Variants in PPIG observed in about 807,000 individuals in gnomAD.
The protein encoded by PPIG is peptidylprolyl isomerase G.
In PPIG, 26 loss-of-function variants were observed where a neutral mutation model predicts 87.9. That is an observed-to-expected ratio of 0.30 (90% CI 0.22 to 0.41). The LOEUF (loss-of-function observed/expected upper bound fraction) is 0.41, where lower values mean the gene tolerates loss of function less well. Among genes scored for constraint, PPIG ranks in the 10% least tolerant of loss-of-function variants. PPIG has a pLI of 1.00. For missense variants in PPIG, 722 were observed against 879.4 expected, an observed-to-expected ratio of 0.82 and a Z score of 2.26; for synonymous variants, 308 against 276.5, an observed-to-expected ratio of 1.11 and a Z score of -1.13.
chr2:169,596,760 C>T (rs148881441), intron 1 of PPIG, among the ~76,000 whole-genome samples: 375 of 152,110 alleles, frequency 2.5e-3, no homozygotes, highest in African/African-American at 8.5e-3. Flanking sequence ...AGTGTTGTGG[C>T]GCAATCTCAG....
At chr2:169,616,518 T>A (rs1685613887) in intron 9 of PPIG, among the ~76,000 whole-genome samples, 1 of 152,206 alleles carries the variant, frequency 6.6e-6, no homozygotes, top group Non-Finnish European at 1.5e-5. Context: ...TGTTGTTTCC[T>A]GACTTTTTAA....
chr2:169,607,049 G>A (rs987701312), intron 5 of PPIG, 55 bp from the exon 6 acceptor site: 25 of 1,076,172 alleles, frequency 2.3e-5, no homozygotes, highest in Non-Finnish European at 3.1e-5. Flanking sequence ...TTTTGTTTAG[G>A]TATCACCTTT....
chr2:169,584,973 C>T (rs1684658593), intron 1 of PPIG: 2 of 170,574 alleles, frequency 1.2e-5, no homozygotes, highest in African/African-American at 2.4e-5. Flanking sequence ...GAGTGACGGG[C>T]GAAGAGCCTG....
intron 12 of PPIG, chr2:169,633,548 A>C: frequency 2.2e-6 from 1 of 453,794 alleles, no homozygotes; most frequent in Non-Finnish European, 3.8e-6. Context: ...AATAAATAAA[A>C]ATTAACCCTA....
intron 1 of PPIG, among the ~76,000 whole-genome samples, chr2:169,597,057 T>C (rs764117615): frequency 6.6e-6 from 1 of 152,216 alleles, no homozygotes; most frequent in Non-Finnish European, 1.5e-5. Context: ...TTCCAAATCT[T>C]GGATATTGTA....
chr2:169,631,731 A>C (rs1327082934), intron 10 of PPIG, 35 bp from the exon 11 acceptor site: 2 of 1,612,828 alleles, frequency 1.2e-6, no homozygotes, highest in African/African-American at 2.7e-5. Flanking sequence ...ATAATAACCA[A>C]CTGTAACTTG....
Position 169,604,036 on chromosome 2 carries a change from G to A in PPIG, c.-6G>A. The A allele has an allele frequency of 6.2e-7, 1 of 1,612,698 alleles. No individual in the cohort carries two copies. Among genetic ancestry groups the A allele is most frequent in the South Asian group, 1.1e-5 (1 of 91,026 alleles). On this transcript the variant is annotated 5_prime_UTR_variant, in exon 3 of 14. An upstream open reading frame in the 5' UTR gains an earlier in-frame stop. Transcript: ENST00000260970. ...GTATTTTACTCACAGATTAAGTATT[G>A]GAGCCATGGGAATAAAGGTTCAACG... is the stretch of plus-strand genomic sequence containing the variant.
In PPIG at chr2:169,604,873, T is replaced by TA. The variant is rs1209396380; in HGVS notation, c.136+625dup. ...TGAGCTAGAAGAGCGAGACTCCATC[T>TA]AAAAAAAAAAAAAGAAAGAAATATT... On this transcript the variant is annotated intron_variant, in intron 4 of 13. Transcript: ENST00000260970. 4.1e-3 allele frequency among the ~76,000 whole-genome samples: 532 copies of TA among 131,066 alleles called. 3 individuals are homozygous for TA. The highest frequency in any genetic ancestry group is 0.013 in the African/African-American group (450 of 35,172). The allele number at this position is 131,066 out of a possible 152,430, so 86.0% of individuals were successfully genotyped here.
Position 169,638,258 on chromosome 2 carries a change from G to C in PPIG, c.*735G>C, listed in dbSNP as rs1220025621. On this transcript the variant is annotated 3_prime_UTR_variant, in exon 14 of 14. Transcript: ENST00000260970. ...ACAGGAACTATACCTTGGAAAATCAGATTGTGATTCTCAGTTCTGTGTTGC... is the reference window on the plus strand; with the variant it reads ...ACAGGAACTATACCTTGGAAAATCACATTGTGATTCTCAGTTCTGTGTTGC... 2.0e-5 allele frequency: 3 copies of C among 151,574 alleles called. No individual in the cohort carries two copies. Among genetic ancestry groups the C allele is most frequent in the Middle Eastern group, 3.2e-3 (1 of 316 alleles). The allele number at this position is 151,574 out of a possible 1,614,324, so 9.4% of individuals were successfully genotyped here.
In PPIG at chr2:169,584,371, C is replaced by A; in HGVS notation, c.-189C>A. On this transcript the variant is annotated 5_prime_UTR_variant, in exon 1 of 14. Coordinates refer to ENST00000260970, the MANE Select transcript of PPIG (RefSeq NM_004792.3). The stretch of plus-strand genomic sequence containing the variant: ...CCGGTGCGACGCTGTCTCTCCATGC[C>A]AGGACTGAGTTGTGGGGGAGGGAGG... The A allele has an allele frequency of 2.1e-6, 1 of 471,152 alleles. No individual in the cohort carries two copies. Among genetic ancestry groups the A allele is most frequent in the Non-Finnish European group, 4.4e-6 (1 of 227,054 alleles). 29.2% of individuals were successfully genotyped at this position (471,152 alleles called of 1,614,324 possible).
chr2:169,602,170 T>C (rs1030039134), intron 1 of PPIG, among the ~76,000 whole-genome samples: 1 of 152,090 alleles, frequency 6.6e-6, no homozygotes, highest in African/African-American at 2.4e-5. Flanking sequence ...ATTTTGTGTT[T>C]AAACTGTGTC....
intron 9 of PPIG, among the ~76,000 whole-genome samples, chr2:169,617,302 C>T (rs1339636451): frequency 3.3e-5 from 5 of 152,102 alleles, no homozygotes; most frequent in Non-Finnish European, 7.4e-5. Flanking sequence ...ATGATGCCTC[C>T]AACTTTGTTC....
At chr2:169,585,294 C>T (rs1574429229) in intron 1 of PPIG, among the ~76,000 whole-genome samples, 2 of 56,382 alleles carry the variant, frequency 3.5e-5, no homozygotes, top group South Asian at 5.4e-4. Context: ...CGGAGTCTCG[C>T]TCTGTCGCCT....
chr2:169,632,747 A>AAATAATAAG (rs1553468224), intron 11 of PPIG, among the ~76,000 whole-genome samples: 1 of 149,480 alleles, frequency 6.7e-6, no homozygotes, highest in African/African-American at 2.5e-5. Context: ...TCCGTCTCAA[A>AAATAATAAG]AATAATAATA....
At chr2:169,604,378 T>C (rs1685264123) in intron 4 of PPIG, 117 bp downstream of exon 4, 5 of 814,918 alleles carry the variant, frequency 6.1e-6, no homozygotes, top group Non-Finnish European at 9.4e-6. Context: ...TGCAACGTTG[T>C]CCAACTGGAC....
intron 9 of PPIG, among the ~76,000 whole-genome samples, chr2:169,618,494 T>C (rs562432479): frequency 6.6e-6 from 1 of 152,336 alleles, no homozygotes; most frequent in Non-Finnish European, 1.5e-5. Flanking sequence ...GGGCTTTTTT[T>C]GGTTGGTAGT....
At chr2:169,603,083 A>T (rs967067959) in intron 1 of PPIG, among the ~76,000 whole-genome samples, 2 of 152,204 alleles carry the variant, frequency 1.3e-5, no homozygotes, top group Admixed American at 6.5e-5. Context: ...ATGGAGGTAG[A>T]AGAATAAAGA....
At chr2:169,613,060 T>G (rs1185634420) in intron 7 of PPIG, among the ~76,000 whole-genome samples, 1 of 152,356 alleles carries the variant, frequency 6.6e-6, no homozygotes, top group East Asian at 1.9e-4. Context: ...GCTGTAATTT[T>G]TTAATTTTGG....
At chr2:169,630,430 G>C (rs1006886916) in intron 9 of PPIG, among the ~76,000 whole-genome samples, 4 of 152,104 alleles carry the variant, frequency 2.6e-5, no homozygotes, top group African/African-American at 9.7e-5. Flanking sequence ...GATAATAAGA[G>C]GGAAAGTGGA....
Sources: gnomAD v4.1 joint callset for allele counts (sites outside exome capture counted in the v4.1 genomes callset) on GRCh38, gnomAD v4.1.1 for gene constraint, MANE v1.5 for transcripts, NCBI Gene and HGNC (gene_info 2026-07-23, HGNC 2026-07-21) for gene names.